The following RCAN2 variants were observed in gnomAD, a reference collection of about 807,000 sequenced individuals.
RCAN2 encodes the protein calcipressin-2.
In RCAN2, 9 loss-of-function variants were observed where a neutral mutation model predicts 23.6. That is an observed-to-expected ratio of 0.38 (90% confidence interval 0.23 to 0.67). The LOEUF is 0.67. Among genes scored for constraint, RCAN2 ranks in the 30% least tolerant of loss-of-function variants. The pLI is 0.51. For missense variants in RCAN2, 273 were observed against 302.3 expected (o/e 0.90, Z 0.72); for synonymous variants, 109 against 115.7 (o/e 0.94, Z 0.37).
intron 2 of RCAN2, among the ~76,000 whole-genome samples, chr6:46,258,261 C>T (rs915393616): frequency 1.3e-5 from 2 of 152,176 alleles, no homozygotes; most frequent in African/African-American, 4.8e-5. Flanking sequence ...AGGAGGACCT[C>T]CTGGACAGGA....
Position 46,333,258 on chromosome 6 carries a change from T to G in RCAN2, c.226-84362A>C, listed in dbSNP as rs554075463. Among the ~76,000 whole-genome samples, 23 of 152,300 alleles carry G rather than the reference T, an allele frequency of 1.5e-4. 1 individual carries two copies. The highest frequency in any genetic ancestry group is 5.5e-4 in the African/African-American group (23 of 41,572). ...TATGTGTATATTATTTTCCCAACCT[T>G]TATCCCATAAATGATAGCACACTTT... On this transcript the variant is annotated intron_variant, in intron 2 of 4. Transcript: ENST00000371374.
rs150967931 is a variant in RCAN2, at chr6:46,343,632, C to T, written c.226-94736G>A. Among the ~76,000 whole-genome samples the T allele has an allele frequency of 1.7e-3, 253 of 152,210 alleles. 1 individual carries two copies. The highest frequency in any genetic ancestry group is 5.9e-3 in the African/African-American group (243 of 41,532). On this transcript the variant is annotated intron_variant, in intron 2 of 4. Transcript: ENST00000371374. Reference sequence around the variant, plus strand: ...CCTCGTGATCTGCCTGCCTCAGCCTCCCAAAGTGCTGGAATTACAGGCATG... The same window carrying T: ...CCTCGTGATCTGCCTGCCTCAGCCTTCCAAAGTGCTGGAATTACAGGCATG...
At position 46,385,693 on chromosome 6, in the gene RCAN2, C is replaced by T. The variant is rs2150395524; in HGVS notation, c.225+71059G>A. On this transcript the variant is annotated intron_variant, in intron 2 of 4. Transcript: ENST00000371374. ...CCAACATGGTGAAACCCTGTTTCTA[C>T]TAAAAATACAAAAATTAGCAGGGCA... Among the ~76,000 whole-genome samples, 3 of 151,774 alleles carry T rather than the reference C, an allele frequency of 2.0e-5. No individual in the cohort carries two copies. In the South Asian group the frequency reaches 6.3e-4, roughly 32 times the overall value.
At chr6:46,234,816 C>T (rs914810684) in intron 4 of RCAN2, among the ~76,000 whole-genome samples, 5 of 152,246 alleles carry the variant, frequency 3.3e-5, no homozygotes, top group Non-Finnish European at 4.4e-5. Flanking sequence ...AGTTCTGTCT[C>T]GTCTTTTCCC....
chr6:46,313,327 G>A (rs1329465088), intron 2 of RCAN2, among the ~76,000 whole-genome samples: 1 of 152,156 alleles, frequency 6.6e-6, no homozygotes, highest in African/African-American at 2.4e-5. Flanking sequence ...GAGACTCACT[G>A]AGGGCAGGAG....
intron 2 of RCAN2, among the ~76,000 whole-genome samples, chr6:46,346,935 G>A (rs937875366): frequency 1.5e-4 from 23 of 151,844 alleles, no homozygotes; most frequent in Non-Finnish European, 5.9e-5. Context: ...GAGTGCAGTG[G>A]CGTGATCTCC....
At chr6:46,460,236 AT>A (rs1317745538) in intron 1 of RCAN2, among the ~76,000 whole-genome samples, 1 of 151,720 alleles carries the variant, frequency 6.6e-6, no homozygotes, top group African/African-American at 2.4e-5. Context: ...TTTCTTTTTT[AT>A]TTTTTGTAGA....
At chr6:46,452,169 A>G (rs1176657070) in intron 2 of RCAN2, among the ~76,000 whole-genome samples, 1 of 152,188 alleles carries the variant, frequency 6.6e-6, no homozygotes, top group Admixed American at 6.5e-5. Context: ...GTAGTGCATA[A>G]TGTTTAAGAA....
At chr6:46,342,853 A>G (rs1223190992) in intron 2 of RCAN2, among the ~76,000 whole-genome samples, 1 of 152,140 alleles carries the variant, frequency 6.6e-6, no homozygotes, top group Non-Finnish European at 1.5e-5. Flanking sequence ...ACAGCCAAAG[A>G]GTAAGTCTGT....
chr6:46,409,049 T>A (rs1218817427), intron 2 of RCAN2, among the ~76,000 whole-genome samples: 1 of 152,218 alleles, frequency 6.6e-6, no homozygotes, highest in African/African-American at 2.4e-5. Flanking sequence ...TTTTAAATTA[T>A]ACTAATAAAA....
At chr6:46,276,353 C>T (rs924861369) in intron 2 of RCAN2, among the ~76,000 whole-genome samples, 1 of 152,154 alleles carries the variant, frequency 6.6e-6, no homozygotes, top group African/African-American at 2.4e-5. Flanking sequence ...ATAGAGTATA[C>T]TTTGCCACGA....
chr6:46,264,095 G>T (rs1767236341), intron 2 of RCAN2, among the ~76,000 whole-genome samples: 1 of 152,160 alleles, frequency 6.6e-6, no homozygotes, highest in Admixed American at 6.5e-5. Context: ...GAAAGAAGTA[G>T]AAAATGTACT....
chr6:46,323,489 C>G (rs886990994), intron 2 of RCAN2, among the ~76,000 whole-genome samples: 49 of 152,214 alleles, frequency 3.2e-4, no homozygotes, highest in African/African-American at 1.2e-3. Flanking sequence ...CGAAAAACCT[C>G]ATAAATTTAT....
chr6:46,265,827 AT>A (rs557646100), intron 2 of RCAN2, among the ~76,000 whole-genome samples: 323 of 152,326 alleles, frequency 2.1e-3, no homozygotes, highest in African/African-American at 7.3e-3. Flanking sequence ...AGTTTACAAA[AT>A]GATTCTAGTT....
intron 2 of RCAN2, among the ~76,000 whole-genome samples, chr6:46,254,343 C>T (rs1401731164): frequency 2.0e-5 from 3 of 152,044 alleles, no homozygotes; most frequent in Admixed American, 6.6e-5. Flanking sequence ...AAGGGTACAA[C>T]ATAATGGTCA....
chr6:46,376,719 A>C (rs9395181), intron 2 of RCAN2, among the ~76,000 whole-genome samples: 61,971 of 151,012 alleles, frequency 0.41, 15,615 homozygotes, highest in East Asian at 0.59. Context: ...AACAAACAAA[A>C]AAAAAAAACA....
chr6:46,294,732 A>G (rs1762664792), intron 2 of RCAN2, among the ~76,000 whole-genome samples: 1 of 152,184 alleles, frequency 6.6e-6, no homozygotes, highest in African/African-American at 2.4e-5. Flanking sequence ...CTATTCATGC[A>G]TTTCTTTTAA....
intron 2 of RCAN2, among the ~76,000 whole-genome samples, chr6:46,430,418 C>T (rs1414079513): frequency 1.3e-5 from 2 of 152,096 alleles, no homozygotes; most frequent in Non-Finnish European, 2.9e-5. Context: ...TATCATGAGA[C>T]ATCAAGAGGA....
chr6:46,254,914 T>C (rs186391921), intron 2 of RCAN2, among the ~76,000 whole-genome samples: 59 of 152,264 alleles, frequency 3.9e-4, no homozygotes, highest in African/African-American at 1.3e-3. Flanking sequence ...AGCCAAGGAA[T>C]GCTAAATATT....
Sources: allele counts gnomAD v4.1 joint callset (sites outside exome capture counted in the v4.1 genomes callset), GRCh38; gene constraint gnomAD v4.1.1; transcripts MANE v1.5; gene names NCBI Gene and HGNC (gene_info 2026-07-23, HGNC 2026-07-21).